Variants in APOBEC3G observed in about 807,000 individuals in gnomAD.
APOBEC3G encodes the protein apolipoprotein B mRNA editing enzyme catalytic subunit 3G.
APOBEC3G carries 44 observed loss-of-function variants against 50.0 expected under a neutral mutation model. The ratio of observed to expected loss-of-function variants is 0.88; its 90% confidence interval spans 0.69 to 1.13. APOBEC3G has a LOEUF of 1.13. APOBEC3G is among the 50% of genes most tolerant of loss of function. The pLI is 0.00. For missense variants in APOBEC3G, 469 were observed against 492.0 expected (o/e 0.95, Z 0.44); for synonymous variants, 156 against 175.3 (o/e 0.89, Z 0.87).
chr22:39,085,255 T>C (rs1371898152), intron 5 of APOBEC3G, among the ~76,000 whole-genome samples: 1 of 152,202 alleles, frequency 6.6e-6, no homozygotes, highest in Non-Finnish European at 1.5e-5. Flanking sequence ...TCATCCCCAC[T>C]TCTCCCTGCA....
chr22:39,078,898 T>A, intron 1 of APOBEC3G, 34 bp from the exon 2 acceptor site: 3 of 1,612,332 alleles, frequency 1.9e-6, no homozygotes, highest in Non-Finnish European at 2.5e-6. Flanking sequence ...AGGAGTGCTC[T>A]CTACATTGGC....
In APOBEC3G at chr22:39,087,085, C is replaced by T; in HGVS notation, c.1099C>T (p.His367Tyr). ...PFQPWDGLDE[H>Y]SQDLSGRLRA... ...CCAGCCCTGGGATGGACTAGATGAGCACAGCCAAGACCTGAGTGGGAGGCT... is the reference window on the plus strand; with the variant it reads ...CCAGCCCTGGGATGGACTAGATGAGTACAGCCAAGACCTGAGTGGGAGGCT... Residue 367 changes from histidine to tyrosine, a missense_variant, in exon 7 of 8, where the codon CAC (histidine) becomes TAC (tyrosine). His to Tyr is a moderately conservative substitution (Grantham distance 83). Coordinates refer to ENST00000407997, the MANE Select transcript of APOBEC3G (RefSeq NM_021822.4). 6.2e-7 allele frequency: 1 copy of T among 1,613,848 alleles called. No homozygotes were observed.
At position 39,080,986 on chromosome 22, in the gene APOBEC3G, C is replaced by T; in HGVS notation, c.225C>T (p.Ser75=). The T allele has an allele frequency of 6.2e-7, 1 of 1,614,084 alleles. No homozygotes were observed. The highest frequency in any genetic ancestry group is 2.2e-5 in the East Asian group (1 of 44,878). Residue 75 remains serine, a synonymous_variant, in exon 3 of 8, where the codon AGC becomes AGT. Coordinates refer to ENST00000407997, the MANE Select transcript of APOBEC3G (RefSeq NM_021822.4). The stretch of plus-strand genomic sequence containing the variant: ...AGATGAGATTCTTCCACTGGTTCAG[C>T]AAGTGGAGGAAGCTGCATCGTGACC... ...HPEMRFFHWF[S]KWRKLHRDQE...
intron 2 of APOBEC3G, chr22:39,080,613 C>G (rs1928393483): frequency 2.1e-5 from 7 of 339,742 alleles, no homozygotes; most frequent in Non-Finnish European, 3.3e-5. Flanking sequence ...ATACTGCCCC[C>G]CCAGCTAGAG....
At chr22:39,078,888 A>G (rs55941630) in intron 1 of APOBEC3G, 44 bp from the exon 2 acceptor site, 13 of 1,610,404 alleles carry the variant, frequency 8.1e-6, no homozygotes, top group Admixed American at 5.0e-5. Flanking sequence ...GAGGGCCCCC[A>G]GGAGTGCTCT....
intron 3 of APOBEC3G, 88 bp from the exon 4 acceptor site, chr22:39,081,383 A>G: frequency 1.3e-6 from 2 of 1,530,226 alleles, no homozygotes; most frequent in South Asian, 2.3e-5. Flanking sequence ...TGTAACTAGT[A>G]TCTAGAATAT....
At chr22:39,077,107 G>T, upstream of APOBEC3G, 1 of 605,856 alleles carries the variant, frequency 1.7e-6, no homozygotes. Flanking sequence ...CGCACAGAGC[G>T]GCCTGTCTTT....
chr22:39,085,653 G>A lies in APOBEC3G; in HGVS notation c.736-626G>A, dbSNP rs190838413. Among the ~76,000 whole-genome samples the A allele has an allele frequency of 4.4e-3, 672 of 152,324 alleles. 1 individual carries two copies. The highest frequency in any genetic ancestry group is 0.017 in the Middle Eastern group (5 of 294). On this transcript the variant is annotated intron_variant, in intron 5 of 7. Coordinates refer to ENST00000407997, the MANE Select transcript of APOBEC3G (RefSeq NM_021822.4). ...TGTAGTCTCAGCACTTTGGGAGGCTGAGGCGGGCAGATCACTTGAGGTCAG... is the reference window on the plus strand; with the variant it reads ...TGTAGTCTCAGCACTTTGGGAGGCTAAGGCGGGCAGATCACTTGAGGTCAG...
In APOBEC3G at chr22:39,087,537, C is replaced by T; in HGVS notation, c.*116C>T. On this transcript the variant is annotated 3_prime_UTR_variant, in exon 8 of 8. Transcript: ENST00000407997. The stretch of plus-strand genomic sequence containing the variant: ...ACCACCATCTCCAGCTGATCACAGA[C>T]ACCAGCAAAGCAATGCACTCCTGAC... The T allele has an allele frequency of 6.3e-7, 1 of 1,593,826 alleles. No individual in the cohort carries two copies. The highest frequency in any genetic ancestry group is 8.6e-7 in the Non-Finnish European group (1 of 1,163,030).
At chr22:39,078,808 C>A in intron 1 of APOBEC3G, 124 bp from the exon 2 acceptor site, 2 of 1,387,714 alleles carry the variant, frequency 1.4e-6, no homozygotes, top group Non-Finnish European at 1.9e-6. Flanking sequence ...CGCCGAAATT[C>A]TCAGGGGAGG....
chr22:39,086,867 G>C, intron 6 of APOBEC3G, 144 bp from the exon 7 acceptor site: 1 of 1,061,594 alleles, frequency 9.4e-7, no homozygotes, highest in Non-Finnish European at 1.3e-6. Context: ...AGTGCCTGAT[G>C]AAGGAGCTAA....
At chr22:39,082,331 AC>A (rs1348549771) in intron 4 of APOBEC3G, 2 of 152,294 alleles carry the variant, frequency 1.3e-5, no homozygotes, top group Non-Finnish European at 2.9e-5. Flanking sequence ...TGATGAAAGG[AC>A]CTGTCTCCAG....
chr22:39,078,747 T>A, intron 1 of APOBEC3G, 185 bp from the exon 2 acceptor site: 2 of 708,626 alleles, frequency 2.8e-6, no homozygotes, highest in Non-Finnish European at 4.4e-6. Flanking sequence ...AATTTCGCTC[T>A]TGTCGCCCAG....
intron 2 of APOBEC3G, chr22:39,080,501 T>G: frequency 5.7e-6 from 1 of 175,768 alleles, no homozygotes; most frequent in Non-Finnish European, 1.2e-5. Context: ...GGGGTGAAGG[T>G]TGTTGCCAGA....
chr22:39,079,623 A>G (rs551388993), intron 2 of APOBEC3G: 1 of 152,408 alleles, frequency 6.6e-6, no homozygotes, highest in African/African-American at 2.4e-5. Flanking sequence ...GCGCCGGCCT[A>G]ATTTTAATAT....
rs755889911 is a variant in APOBEC3G, at chr22:39,079,092, C to T, written c.171+7C>T. 2.5e-6 allele frequency: 4 copies of T among 1,613,892 alleles called. No homozygotes were observed. Among genetic ancestry groups the T allele is most frequent in the African/African-American group, 1.3e-5 (1 of 75,032 alleles). ...AAAGATCTTTCGAGGCCAGGTACCA[C>T]CCGGACTCCAATCACTTTGCAGGCA... On this transcript the variant is annotated splice_region_variant and intron_variant, in intron 2 of 7. Transcript: ENST00000407997.
rs1005288262 is a variant in APOBEC3G at position 39,087,300 on chromosome 22, ACATCCCTCCCTCCTCTCCGAT to A, written c.1141-103_1141-83del. 1.9e-6 allele frequency: 3 copies of A among 1,597,258 alleles called. No homozygotes were observed. The African/African-American group carries it at 4.1e-5, about 22-fold the overall frequency. On this transcript the variant is annotated intron_variant, in intron 7 of 7. Transcript: ENST00000407997. ...AGCCTCCCTTTCTCTCCCACCTCCC[ACATCCCTCCCTCCTCTCCGAT>A]CATTGTCACTGTCCCCAGGCCTCCA...
At chr22:39,083,119 T>A (rs1037534277) in intron 4 of APOBEC3G, 1 of 152,024 alleles carries the variant, frequency 6.6e-6, no homozygotes, top group Non-Finnish European at 1.5e-5. Flanking sequence ...GAAGATCTGG[T>A]GTTTCTGGTT....
At chr22:39,079,274 T>G (rs921994649) in intron 2 of APOBEC3G, 189 bp downstream of exon 2, 1 of 818,202 alleles carries the variant, frequency 1.2e-6, no homozygotes, top group African/African-American at 1.8e-5. Context: ...GGGGTTTGCC[T>G]CTGCACAAAA....
Sources: allele counts gnomAD v4.1 joint callset (sites outside exome capture counted in the v4.1 genomes callset), GRCh38; gene constraint gnomAD v4.1.1; transcripts MANE v1.5; gene names NCBI Gene and HGNC (gene_info 2026-07-23, HGNC 2026-07-21).